Variants in GOLGA8H observed in about 807,000 individuals in gnomAD.
The protein encoded by GOLGA8H is golgin subfamily A member 8H.
GOLGA8H carries 47 observed loss-of-function variants against 82.7 expected under a neutral mutation model. That is an observed-to-expected ratio of 0.57 (90% confidence interval 0.45 to 0.73). The LOEUF is 0.73. Among genes scored for constraint, GOLGA8H ranks in the 30% least tolerant of loss-of-function variants. The pLI is 0.00. For missense variants in GOLGA8H, 372 were observed against 661.0 expected, an observed-to-expected ratio of 0.56 and a Z score of 4.79; for synonymous variants, 108 against 241.6, an observed-to-expected ratio of 0.45 and a Z score of 5.13.
rs1186575518 is a variant in GOLGA8H at position 30,616,805 on chromosome 15, T to C, written c.*2244T>C. Among the ~76,000 whole-genome samples the C allele has an allele frequency of 3.3e-5, 5 of 150,428 alleles. No individual in the cohort carries two copies. Among genetic ancestry groups the C allele is most frequent in the African/African-American group, 1.2e-4 (5 of 40,578 alleles). On this transcript the variant is annotated 3_prime_UTR_variant, in exon 19 of 19. Coordinates refer to ENST00000566740, the MANE Select transcript of GOLGA8H (RefSeq NM_001282490.2). ...ATAAATTATTGCAAAGGTACTTTTA[T>C]CGTTGAAATCACTTCACTTTTACCC...
At chr15:30,609,044 G>T (rs1263206582) in intron 8 of GOLGA8H, among the ~76,000 whole-genome samples, 1 of 133,028 alleles carries the variant, frequency 7.5e-6, no homozygotes, top group Non-Finnish European at 1.6e-5. Context: ...GGGGTATTGG[G>T]TACTTCTACT....
chr15:30,613,130 G>GA lies in GOLGA8H; in HGVS notation c.1304dup (p.Glu437GlyfsTer35), dbSNP rs2060049513. ...ACACGGAGGAGAACATCTGGACAGT[G>GA]AGGGGGAGGAGGCACCTCGGCCCAT... is the stretch of plus-strand genomic sequence containing the variant. On this transcript the variant is annotated frameshift_variant, in exon 15 of 19. Coordinates refer to ENST00000566740, the MANE Select transcript of GOLGA8H (RefSeq NM_001282490.2). LOFTEE classifies it high-confidence loss of function. 1 of 1,224,148 alleles carries GA rather than the reference G, an allele frequency of 8.2e-7. No homozygotes were observed. Among genetic ancestry groups the GA allele is most frequent in the African/African-American group, 1.9e-5 (1 of 53,706 alleles). The allele number at this position is 1,224,148 out of a possible 1,614,324, so 75.8% of individuals were successfully genotyped here. A position where few individuals can be genotyped will look rare whatever the true frequency, so the allele number is the denominator to read the frequency against.
chr15:30,604,265 A>G (rs2059896456), intron 1 of GOLGA8H, 92 bp downstream of exon 1: 3 of 1,483,926 alleles, frequency 2.0e-6, no homozygotes, highest in South Asian at 1.2e-5. Context: ...CTCCTGAGGC[A>G]CACTGGACTG....
rs1567496254 is a variant in GOLGA8H at position 30,614,874 on chromosome 15, GC to G, written c.*316del. ...TCAAACACACAAAGACCCACTCTTT[GC>G]CCAAAACTGTTCTCTTTGGTTTGGA... On this transcript the variant is annotated 3_prime_UTR_variant, in exon 19 of 19. Coordinates refer to ENST00000566740, the MANE Select transcript of GOLGA8H (RefSeq NM_001282490.2). Among the ~76,000 whole-genome samples the G allele has an allele frequency of 6.7e-6, 1 of 149,746 alleles. No homozygotes were observed. The highest frequency in any genetic ancestry group is 1.5e-5 in the Non-Finnish European group (1 of 67,406).
intron 2 of GOLGA8H, among the ~76,000 whole-genome samples, chr15:30,606,363 A>G (rs1567481927): frequency 6.6e-6 from 1 of 150,494 alleles, no homozygotes; most frequent in Non-Finnish European, 1.5e-5. Flanking sequence ...AAAGAAAAAA[A>G]AAAAAGGAAT....
At chr15:30,608,193 C>G in intron 5 of GOLGA8H, 125 bp downstream of exon 5, 3 of 1,169,704 alleles carry the variant, frequency 2.6e-6, no homozygotes, top group Non-Finnish European at 3.7e-6. Flanking sequence ...AGATTCCACC[C>G]CATCCCCACA....
chr15:30,610,245 G>T (rs1473651817), intron 10 of GOLGA8H, 57 bp from the exon 11 acceptor site: 9 of 891,822 alleles, frequency 1.0e-5, no homozygotes, highest in Non-Finnish European at 1.6e-5. Flanking sequence ...GGAGAGGGCA[G>T]CCTGTCCAGC....
At position 30,616,033 on chromosome 15, in the gene GOLGA8H, C is replaced by T. The variant is rs1052712168; in HGVS notation, c.*1472C>T. ...TCACAGAGCTATATTTTCTCACAGA[C>T]TTCTTTACAAAGTGAAATATGTTTT... On this transcript the variant is annotated 3_prime_UTR_variant, in exon 19 of 19. Coordinates refer to ENST00000566740, the MANE Select transcript of GOLGA8H (RefSeq NM_001282490.2). Among the ~76,000 whole-genome samples, 8 of 151,846 alleles carry T rather than the reference C, an allele frequency of 5.3e-5. No individual in the cohort carries two copies. The highest frequency in any genetic ancestry group is 1.9e-4 in the African/African-American group (8 of 41,314).
chr15:30,611,372 C>G, intron 13 of GOLGA8H, 26 bp downstream of exon 13: 1 of 870,680 alleles, frequency 1.1e-6, no homozygotes, highest in South Asian at 1.4e-5. Flanking sequence ...ACCTCCACCC[C>G]ATCCAAGAAG....
In GOLGA8H at chr15:30,615,258, C is replaced by T. The variant is rs1335700695; in HGVS notation, c.*697C>T. Among the ~76,000 whole-genome samples the T allele has an allele frequency of 7.9e-5, 12 of 151,710 alleles. No homozygotes were observed. The highest frequency in any genetic ancestry group is 4.2e-4 in the South Asian group (2 of 4,792). The stretch of plus-strand genomic sequence containing the variant: ...AGGATAGAGTGTGTTTCATCTGTTC[C>T]GGTGCCAGGAATTAGCAGTGTATTA... On this transcript the variant is annotated 3_prime_UTR_variant, in exon 19 of 19. Coordinates refer to ENST00000566740, the MANE Select transcript of GOLGA8H (RefSeq NM_001282490.2).
At chr15:30,608,238 G>A in intron 5 of GOLGA8H, 93 bp from the exon 6 acceptor site, 1 of 1,220,614 alleles carries the variant, frequency 8.2e-7, no homozygotes. Flanking sequence ...GGGTGGGCCT[G>A]TCCTGGGGCA....
At chr15:30,608,182 C>A in intron 5 of GOLGA8H, 114 bp downstream of exon 5, 1 of 1,181,226 alleles carries the variant, frequency 8.5e-7, no homozygotes, top group Non-Finnish European at 1.2e-6. Context: ...GCTCACCCTT[C>A]AGATTCCACC....
rs766422243 is a variant in GOLGA8H at position 30,610,064 on chromosome 15, G to C, written c.744G>C (p.Glu248Asp). ...AGTGTGCTGAACATCTAAAAGGAGA[G>C]AGGGCCCGGTGGCAGCAGAGGATGA... ...RDECAEHLKG[E>D]RARWQQRMRK... The change falls in exon 10 of 19, where the codon GAG becomes GAC. Residue 248 changes from glutamate to aspartate, a missense_variant. Physicochemically the swap from Glu to Asp is conservative, Grantham distance 45. Transcript: ENST00000566740. 1.2e-6 allele frequency: 2 copies of C among 1,611,402 alleles called. No individual in the cohort carries two copies. The highest frequency in any genetic ancestry group is 1.1e-5 in the South Asian group (1 of 91,006).
chr15:30,606,446 G>A (rs1208474405), intron 2 of GOLGA8H, among the ~76,000 whole-genome samples: 8 of 151,020 alleles, frequency 5.3e-5, no homozygotes, highest in African/African-American at 2.5e-5. Context: ...AGACCTCATC[G>A]GGCCTCTCTT....
At chr15:30,609,973 C>G (rs775248868) in intron 9 of GOLGA8H, 26 bp from the exon 10 acceptor site, 2 of 1,608,168 alleles carry the variant, frequency 1.2e-6, no homozygotes, top group Non-Finnish European at 1.7e-6. Flanking sequence ...GACAGCCCTT[C>G]CTAAGTTCTG....
Position 30,605,919 on chromosome 15 carries a change from T to C in GOLGA8H, c.125T>C (p.Val42Ala). The C allele has an allele frequency of 1.9e-6, 3 of 1,595,232 alleles. No homozygotes were observed. The highest frequency in any genetic ancestry group is 2.5e-6 in the Non-Finnish European group (3 of 1,176,750). The stretch of plus-strand genomic sequence containing the variant: ...AGGAACAGGAAAACAAATGGCAGTG[T>C]CCCTGAGAAAGCCACTTCTGGTGGT... ...ANRNRKTNGSVPEKATSGGCQ... is the reference protein window; with the variant it reads ...ANRNRKTNGSAPEKATSGGCQ... The change falls in exon 2 of 19, where the codon GTC (valine) becomes GCC (alanine). Residue 42 changes from valine to alanine, a missense_variant. Val to Ala is a moderately conservative substitution (Grantham distance 64). Coordinates refer to ENST00000566740, the MANE Select transcript of GOLGA8H (RefSeq NM_001282490.2).
At chr15:30,611,543 C>G (rs1398189534) in intron 13 of GOLGA8H, among the ~76,000 whole-genome samples, 197 bp downstream of exon 13, 1 of 151,060 alleles carries the variant, frequency 6.6e-6, no homozygotes, top group African/African-American at 2.5e-5. Flanking sequence ...GGGCTCCTCT[C>G]AGGTCTGGAC....
intron 8 of GOLGA8H, 149 bp downstream of exon 8, chr15:30,608,905 G>A (rs2140827022): frequency 1.4e-6 from 1 of 732,942 alleles, no homozygotes; most frequent in East Asian, 2.7e-5. Flanking sequence ...TTTAGTGGCA[G>A]CCTGGGGCTG....
intron 2 of GOLGA8H, among the ~76,000 whole-genome samples, chr15:30,606,394 C>A (rs928651834): frequency 6.7e-6 from 1 of 150,258 alleles, no homozygotes; most frequent in Admixed American, 6.6e-5. Flanking sequence ...AATCCTGCCT[C>A]TCCATCTGCT....
Sources: allele counts gnomAD v4.1 joint callset (sites outside exome capture counted in the v4.1 genomes callset), GRCh38; gene constraint gnomAD v4.1.1; transcripts MANE v1.5; gene names NCBI Gene and HGNC (gene_info 2026-07-23, HGNC 2026-07-21).